The following CRB2 variants were observed in gnomAD, a reference collection of about 807,000 sequenced individuals.
CRB2 encodes the protein protein crumbs homolog 2.
A neutral mutation model predicts 110.9 loss-of-function variants in CRB2; 85 were observed. That is an observed-to-expected ratio of 0.77 (90% CI 0.64 to 0.92). CRB2 has a LOEUF of 0.92. CRB2 is among the 40% of genes least tolerant of loss of function. The probability of loss-of-function intolerance (pLI) is 0.00; values close to 1 mark genes in which losing one functional copy is unlikely to be tolerated. For synonymous variants in CRB2, 907 were observed against 831.0 expected (o/e 1.09, Z -1.57); for missense variants, 1,843 against 1,851.3 (o/e 1.00, Z 0.08).
chr9:123,372,048 C>T, intron 8 of CRB2, 129 bp from the exon 9 acceptor site: 1 of 926,296 alleles, frequency 1.1e-6, no homozygotes, highest in Non-Finnish European at 1.6e-6. Context: ...TAGCGACTTC[C>T]TCTCCCCTCG....
chr9:123,365,087 C>T (rs113187836), intron 2 of CRB2, among the ~76,000 whole-genome samples: 5 of 152,182 alleles, frequency 3.3e-5, no homozygotes, highest in Admixed American at 6.5e-5. Flanking sequence ...CATGGTGAAA[C>T]GCCTTTTCTA....
intron 2 of CRB2, among the ~76,000 whole-genome samples, chr9:123,364,072 TG>T (rs2041899411): frequency 6.6e-6 from 1 of 152,086 alleles, no homozygotes; most frequent in Non-Finnish European, 1.5e-5. Flanking sequence ...ATTGGGGGGC[TG>T]GGTTCCAGGG....
intron 9 of CRB2, among the ~76,000 whole-genome samples, 185 bp from the exon 10 acceptor site, chr9:123,372,949 G>T (rs527823922): frequency 6.6e-6 from 1 of 152,346 alleles, no homozygotes; most frequent in South Asian, 2.1e-4. Context: ...CCATGGGTAG[G>T]AAATACATTG....
upstream of CRB2, among the ~76,000 whole-genome samples, chr9:123,354,740 C>T (rs975324684): frequency 1.3e-5 from 2 of 152,220 alleles, no homozygotes; most frequent in Admixed American, 6.5e-5. Flanking sequence ...CTGGAGAGAA[C>T]AGGCCTCAAG....
intron 4 of CRB2, among the ~76,000 whole-genome samples, 183 bp downstream of exon 4, chr9:123,366,549 G>C (rs1177331632): frequency 6.6e-6 from 1 of 152,220 alleles, no homozygotes; most frequent in Non-Finnish European, 1.5e-5. Flanking sequence ...AGGGCTGATC[G>C]TAGCGCCTGC....
intron 2 of CRB2, among the ~76,000 whole-genome samples, 183 bp downstream of exon 2, chr9:123,363,371 G>A (rs981877657): frequency 6.6e-6 from 1 of 152,220 alleles, no homozygotes; most frequent in Non-Finnish European, 1.5e-5. Flanking sequence ...CTGGGTGAGA[G>A]TATGTATGTG....
At chr9:123,367,421 ACCCCCC>A in intron 5 of CRB2, 64 bp downstream of exon 5, 1 of 600,978 alleles carries the variant, frequency 1.7e-6, no homozygotes, top group Admixed American at 7.2e-5. Flanking sequence ...TCTTGTGCCC[ACCCCCC>A]CACCCCCCCC....
chr9:123,367,383 A>G (rs1265716113), intron 5 of CRB2, 26 bp downstream of exon 5: 2 of 1,588,536 alleles, frequency 1.3e-6, no homozygotes, highest in East Asian at 4.5e-5. Flanking sequence ...GGAAGCGGTC[A>G]GCCCATGTCC....
rs2042111266 is a variant in CRB2 at position 123,376,902 on chromosome 9, G to T, written c.3698G>T (p.Cys1233Phe). Residue 1233 changes from cysteine (C) to phenylalanine (F), a missense_variant, in exon 13 of 13, where the codon TGC (cysteine) becomes TTC (phenylalanine). By Grantham distance (205) the Cys-to-Phe change is radical. Coordinates refer to ENST00000373631, the MANE Select transcript of CRB2 (RefSeq NM_173689.7). ...LEVAVPAACA[C>F]LLLLLLGLLS... Reference sequence around the variant, plus strand: ...GTGGCCGTACCTGCAGCCTGTGCCTGCCTCCTCCTCCTCCTCCTGGGCCTC... The same window carrying T: ...GTGGCCGTACCTGCAGCCTGTGCCTTCCTCCTCCTCCTCCTCCTGGGCCTC... 25 of 1,608,892 alleles carry T rather than the reference G, an allele frequency of 1.6e-5. No individual in the cohort carries two copies. The highest frequency in any genetic ancestry group is 2.1e-5 in the Non-Finnish European group (25 of 1,178,702).
rs377347664 is a variant in CRB2 at position 123,373,735 on chromosome 9, C to T, written c.3204C>T (p.Asp1068=). The change falls in exon 10 of 13, where the codon GAC becomes GAT. Residue 1068 remains aspartate, a synonymous_variant. Coordinates refer to ENST00000373631, the MANE Select transcript of CRB2 (RefSeq NM_173689.7). ...GTGCGCCCTCGCCCTGTCTGCACGA[C>T]GGTGCCTGCCGTGACCTCTTCGACG... is the stretch of plus-strand genomic sequence containing the variant. ...PVCAPSPCLH[D]GACRDLFDAF... The T allele has an allele frequency of 2.0e-3, 3,078 of 1,576,818 alleles. 7 individuals carry two copies. Among genetic ancestry groups the T allele is most frequent in the Non-Finnish European group, 2.4e-3 (2,797 of 1,171,264 alleles).
At position 123,368,244 on chromosome 9, in the gene CRB2, C is replaced by T. The variant is rs188517676; in HGVS notation, c.1054+558C>T. Among the ~76,000 whole-genome samples, 219 of 152,270 alleles carry T rather than the reference C, an allele frequency of 1.4e-3. 1 individual carries two copies. Among genetic ancestry groups the T allele is most frequent in the African/African-American group, 5.1e-3 (212 of 41,560 alleles). Reference sequence around the variant, plus strand: ...CCTGCTGGGGCACACTGCCTCCTCCCCCTGGCAGGCTCCTGGGCACAGGCT... The same window carrying T: ...CCTGCTGGGGCACACTGCCTCCTCCTCCTGGCAGGCTCCTGGGCACAGGCT... On this transcript the variant is annotated intron_variant, in intron 6 of 12. Coordinates refer to ENST00000373631, the MANE Select transcript of CRB2 (RefSeq NM_173689.7).
chr9:123,372,051 T>TC (rs1471269832), intron 8 of CRB2, 126 bp from the exon 9 acceptor site: 14 of 944,666 alleles, frequency 1.5e-5, no homozygotes, highest in Non-Finnish European at 2.1e-5. Context: ...CGACTTCCTC[T>TC]CCCCTCGTTT....
rs1296963194 is a variant in CRB2 at position 123,356,283 on chromosome 9, C to T, written c.23C>T (p.Thr8Ile). Residue 8 changes from threonine (T) to isoleucine (I), a missense_variant, in exon 1 of 13, where the codon ACC becomes ATC. Transcript: ENST00000373631. MALARPG[T>I]PDPQALASVL... Reference sequence around the variant, plus strand: ...GCCATGGCGCTGGCCAGGCCTGGGACCCCGGACCCCCAGGCCCTGGCCTCT... The same window carrying T: ...GCCATGGCGCTGGCCAGGCCTGGGATCCCGGACCCCCAGGCCCTGGCCTCT... The T allele has an allele frequency of 3.3e-6, 5 of 1,538,292 alleles. No homozygotes were observed. Among genetic ancestry groups the T allele is most frequent in the Non-Finnish European group, 4.4e-6 (5 of 1,143,252 alleles).
intron 6 of CRB2, among the ~76,000 whole-genome samples, chr9:123,369,525 G>A (rs1302725256): frequency 6.6e-6 from 1 of 152,130 alleles, no homozygotes; most frequent in Non-Finnish European, 1.5e-5. Flanking sequence ...AAGGGTAAGG[G>A]TGAATGAGGC....
In CRB2 at chr9:123,367,589, G is replaced by A; in HGVS notation, c.957G>A (p.Val319=). Residue 319 remains valine, a synonymous_variant, in exon 6 of 13, where the codon GTG becomes GTA. Coordinates refer to ENST00000373631, the MANE Select transcript of CRB2 (RefSeq NM_173689.7). The part of the protein sequence containing the change: ...PPGFEGADCG[V]EVDECASRPC... ...CTCTTACAGGAGCCGACTGCGGTGT[G>A]GAGGTGGACGAGTGTGCCTCACGGC... 3 of 1,559,984 alleles carry A rather than the reference G, an allele frequency of 1.9e-6. No homozygotes were observed. The highest frequency in any genetic ancestry group is 2.4e-5 in the South Asian group (2 of 84,566).
At position 123,362,911 on chromosome 9, in the gene CRB2, C is replaced by G. The variant is rs138658467; in HGVS notation, c.141C>G (p.Cys47Trp). 1 of 1,598,040 alleles carries G rather than the reference C, an allele frequency of 6.3e-7. No individual in the cohort carries two copies. Among genetic ancestry groups the G allele is most frequent in the Non-Finnish European group, 8.6e-7 (1 of 1,167,450 alleles). Residue 47 changes from cysteine (C) to tryptophan (W), a missense_variant, in exon 2 of 13, where the codon TGC becomes TGG. Physicochemically the swap from Cys to Trp is radical, Grantham distance 215 (BLOSUM62 -2). Transcript: ENST00000373631. ...CCAGTGCCTGTGCCTCAGACCCGTG[C>G]GCTCCAGGGACCGAGTGCCAGGCTA... is the stretch of plus-strand genomic sequence containing the variant. The part of the protein sequence containing the change: ...EPPSACASDP[C>W]APGTECQATE...
At chr9:123,372,852 C>T (rs2042036092) in intron 9 of CRB2, among the ~76,000 whole-genome samples, 1 of 152,208 alleles carries the variant, frequency 6.6e-6, no homozygotes, top group Non-Finnish European at 1.5e-5. Flanking sequence ...CCAGATTCTG[C>T]CAGGAGTTGC....
intron 4 of CRB2, among the ~76,000 whole-genome samples, chr9:123,366,695 G>A (rs1428480425): frequency 6.6e-6 from 1 of 152,182 alleles, no homozygotes; most frequent in African/African-American, 2.4e-5. Flanking sequence ...GCTCAAGCCT[G>A]TAATCCCAGC....
Position 123,367,340 on chromosome 9 carries a change from GC to G in CRB2, c.926del (p.Pro309LeufsTer135), listed in dbSNP as rs1391983410. 6.2e-7 allele frequency: 1 copy of G among 1,602,486 alleles called. No homozygotes were observed. The part of the protein sequence containing the change: ...FRHAAGFLCH[C>X]PPGFEGADCG... ...CATGCTGCGGGTTTCCTGTGCCACT[GC>G]CCTCCTGGCTTTGAGGGTGAGCCCC... On this transcript the variant is annotated frameshift_variant, in exon 5 of 13. Transcript: ENST00000373631. LOFTEE classifies it high-confidence loss of function.
Sources: allele counts gnomAD v4.1 joint callset (sites outside exome capture counted in the v4.1 genomes callset), GRCh38; gene constraint gnomAD v4.1.1; transcripts MANE v1.5; gene names NCBI Gene and HGNC (gene_info 2026-07-23, HGNC 2026-07-21).